FAM161B: variants seen among roughly 807,000 people sequenced by gnomAD.
FAM161B encodes the protein FAM161 centrosomal protein B.
In FAM161B, 46 loss-of-function variants were observed where a neutral mutation model predicts 61.5. That is an observed-to-expected ratio of 0.75 (90% CI 0.59 to 0.96). The LOEUF is 0.96. Among genes scored for constraint, FAM161B ranks in the 40% least tolerant of loss-of-function variants. The pLI, the probability that FAM161B is intolerant of heterozygous loss-of-function variation, is 0.00. For synonymous variants in FAM161B, 284 were observed against 302.7 expected, an observed-to-expected ratio of 0.94 and a Z score of 0.64; for missense variants, 774 against 800.7, an observed-to-expected ratio of 0.97 and a Z score of 0.40.
the FAM161B span, chr14:73,923,451 C>A: frequency 6.2e-7 from 1 of 1,614,086 alleles, no homozygotes; most frequent in Non-Finnish European, 8.5e-7. Flanking sequence ...TGTGACACAT[C>A]ACCTGGTGAC....
chr14:73,941,800 G>C (rs1185698902), intron 4 of FAM161B, among the ~76,000 whole-genome samples: 1 of 152,114 alleles, frequency 6.6e-6, no homozygotes, highest in Non-Finnish European at 1.5e-5. Flanking sequence ...CCGCCTCCCA[G>C]GTTCAAGCAA....
rs2055935809 is a variant in FAM161B at position 73,932,799 on chromosome 14, GGTTT to G, written c.*1453_*1456del. The G allele has an allele frequency of 4.7e-6, 1 of 213,100 alleles. No individual in the cohort carries two copies. Among genetic ancestry groups the G allele is most frequent in the Non-Finnish European group, 9.5e-6 (1 of 105,204 alleles). 13.2% of individuals were successfully genotyped at this position (213,100 alleles called of 1,614,324 possible). A position where few individuals can be genotyped will look rare whatever the true frequency, so the allele number is the denominator to read the frequency against. On this transcript the variant is annotated 3_prime_UTR_variant, in exon 9 of 9. Coordinates refer to ENST00000286544, the MANE Select transcript of FAM161B (RefSeq NM_152445.3). ...ACCACCAGTCCAGCTAACTTTTTGT[GGTTT>G]TTTTGGTAGAAATGAGGTCTGTGTT...
chr14:73,934,524 C>A, intron 8 of FAM161B, 130 bp from the exon 9 acceptor site: 1 of 772,206 alleles, frequency 1.3e-6, no homozygotes, highest in Non-Finnish European at 1.9e-6. Context: ...GCTGAAGCAA[C>A]CCTCCCACCT....
Position 73,938,026 on chromosome 14 carries a change from G to A in FAM161B, c.1487C>T (p.Ser496Phe), listed in dbSNP as rs1040843129. The A allele has an allele frequency of 1.2e-6, 2 of 1,614,006 alleles. No homozygotes were observed. Among genetic ancestry groups the A allele is most frequent in the African/African-American group, 1.3e-5 (1 of 74,922 alleles). Reference sequence around the variant, plus strand: ...CATGGCTTTTGCACGCAAGGTCACAGATTTGGACATTGCTTGAGACTTCTT... The same window carrying A: ...CATGGCTTTTGCACGCAAGGTCACAAATTTGGACATTGCTTGAGACTTCTT... Reference protein sequence around the residue: ...HKKKSQAMSKSVTLRAKAMDP... With the variant: ...HKKKSQAMSKFVTLRAKAMDP... Residue 496 changes from serine (S) to phenylalanine (F), a missense_variant, in exon 6 of 9, where the codon TCT becomes TTT. Physicochemically the swap from Ser to Phe is radical, Grantham distance 155. Transcript: ENST00000286544.
chr14:73,944,113 T>C (rs2056042910), intron 3 of FAM161B, among the ~76,000 whole-genome samples: 1 of 152,180 alleles, frequency 6.6e-6, no homozygotes, highest in African/African-American at 2.4e-5. Context: ...AGGACGAGCC[T>C]TGGGGACACT....
rs1333069523 is a variant in FAM161B, at chr14:73,932,464, C to G, written c.*1792G>C. ...CCAGGTGATAGTTACTCTGTCACCACCAAAAAAGACGCATCTGAGAAAATG... is the reference window on the plus strand; with the variant it reads ...CCAGGTGATAGTTACTCTGTCACCAGCAAAAAAGACGCATCTGAGAAAATG... On this transcript the variant is annotated 3_prime_UTR_variant, in exon 9 of 9. Coordinates refer to ENST00000286544, the MANE Select transcript of FAM161B (RefSeq NM_152445.3). The G allele has an allele frequency of 6.6e-6, 3 of 454,610 alleles. No individual in the cohort carries two copies. The highest frequency in any genetic ancestry group is 1.3e-5 in the Non-Finnish European group (3 of 226,526). The allele number at this position is 454,610 out of a possible 1,614,324, so 28.2% of individuals were successfully genotyped here. A position where few individuals can be genotyped will look rare whatever the true frequency, so the allele number is the denominator to read the frequency against.
intron 7 of FAM161B, among the ~76,000 whole-genome samples, chr14:73,936,565 A>AT (rs1025973844): frequency 6.6e-6 from 1 of 152,206 alleles, no homozygotes. Flanking sequence ...GCAGAATATT[A>AT]TTTTTTGTTT....
At chr14:73,926,772 T>A (rs1256042892), downstream of FAM161B, among the ~76,000 whole-genome samples, 1 of 152,146 alleles carries the variant, frequency 6.6e-6, no homozygotes, top group East Asian at 1.9e-4. Flanking sequence ...TTTTCCCACA[T>A]TCTGGTTTTG....
chr14:73,929,742 A>G (rs2055883698), downstream of FAM161B, among the ~76,000 whole-genome samples: 1 of 151,984 alleles, frequency 6.6e-6, no homozygotes, highest in Non-Finnish European at 1.5e-5. Context: ...ACTTGGGCCC[A>G]GGAAGTTGAG....
In FAM161B at chr14:73,944,630, G is replaced by T; in HGVS notation, c.630C>A (p.Ala210=). The change falls in exon 3 of 9, where the codon GCC becomes GCA. Residue 210 remains alanine (A), a synonymous_variant. Transcript: ENST00000286544. ...GTGCCCGGAACTGCCTGTGGCACTCGGCCTCTTCCTCACCCTGCCTCTGGG... is the reference window on the plus strand; with the variant it reads ...GTGCCCGGAACTGCCTGTGGCACTCTGCCTCTTCCTCACCCTGCCTCTGGG... ...QRAQRQGEEE[A]ECHRQFRAQP... 6.2e-7 allele frequency: 1 copy of T among 1,613,880 alleles called. No individual in the cohort carries two copies. Among genetic ancestry groups the T allele is most frequent in the Non-Finnish European group, 8.5e-7 (1 of 1,179,988 alleles).
intron 3 of FAM161B, 58 bp from the exon 4 acceptor site, chr14:73,942,773 G>T: frequency 3.3e-6 from 5 of 1,499,744 alleles, no homozygotes; most frequent in Non-Finnish European, 4.5e-6. Flanking sequence ...CTACAGGGTT[G>T]GAGAACTTTC....
At chr14:73,935,397 G>A (rs746656356) in intron 8 of FAM161B, among the ~76,000 whole-genome samples, 2 of 151,876 alleles carry the variant, frequency 1.3e-5, no homozygotes, top group Non-Finnish European at 2.9e-5. Flanking sequence ...GCGTGATGGC[G>A]GGAGCCTGTA....
At chr14:73,937,864 T>A in intron 6 of FAM161B, 84 bp downstream of exon 6, 4 of 1,587,922 alleles carry the variant, frequency 2.5e-6, no homozygotes, top group Non-Finnish European at 3.4e-6. Flanking sequence ...CCTCGATAAC[T>A]CTATTTTGCA....
At chr14:73,923,557 A>G in the FAM161B span, 639 of 1,594,118 alleles carry the variant, frequency 4.0e-4, 1 homozygote, top group African/African-American at 4.8e-3. Flanking sequence ...TTCTGTGACA[A>G]TTCATGTGGG....
chr14:73,928,405 GAA>G (rs1215033354), downstream of FAM161B, among the ~76,000 whole-genome samples: 1 of 152,098 alleles, frequency 6.6e-6, no homozygotes, highest in African/African-American at 2.4e-5. Context: ...TTGAGAGCTG[GAA>G]AGATAAGCTA....
In FAM161B at chr14:73,946,455, G is replaced by T. The variant is rs1467216620; in HGVS notation, c.205C>A (p.Gln69Lys). 1.4e-5 allele frequency: 22 copies of T among 1,614,134 alleles called. No individual in the cohort carries two copies. The highest frequency in any genetic ancestry group is 1.9e-5 in the Non-Finnish European group (22 of 1,180,040). Residue 69 changes from glutamine (Q) to lysine (K), a missense_variant, in exon 2 of 9, where the codon CAG becomes AAG. Coordinates refer to ENST00000286544, the MANE Select transcript of FAM161B (RefSeq NM_152445.3). ...STSDSTGSIY[Q>K]NLQELKQKGR... is the part of the protein sequence containing the mutation. ...TTCTGCTTCAGTTCCTGTAAGTTCT[G>T]GTAAATGCTCCCAGTTGAGTCAGAA... is the stretch of plus-strand genomic sequence containing the variant.
chr14:73,949,873 C>G, intron 1 of FAM161B, 100 bp downstream of exon 1: 1 of 1,507,514 alleles, frequency 6.6e-7, no homozygotes, highest in Non-Finnish European at 8.9e-7. Flanking sequence ...TAATCCCACG[C>G]CCCTCCGTGA....
At chr14:73,931,935 C>CT (rs752233354), downstream of FAM161B, 3 of 456,848 alleles carry the variant, frequency 6.6e-6, no homozygotes, top group East Asian at 2.1e-4. Flanking sequence ...ATAATTCCTG[C>CT]TACCAACAAC....
intron 7 of FAM161B, among the ~76,000 whole-genome samples, chr14:73,936,421 C>T (rs906024527): frequency 3.3e-5 from 5 of 151,974 alleles, no homozygotes; most frequent in South Asian, 2.1e-4. Flanking sequence ...ACAAATGAGA[C>T]CCAGATTTAA....
Sources: allele counts gnomAD v4.1 joint callset (sites outside exome capture counted in the v4.1 genomes callset), GRCh38; gene constraint gnomAD v4.1.1; transcripts MANE v1.5; gene names NCBI Gene and HGNC (gene_info 2026-07-23, HGNC 2026-07-21).